MACF1: variants seen among roughly 807,000 people sequenced by gnomAD.
MACF1 encodes the protein microtubule-actin cross-linking factor 1.
MACF1 carries 193 observed loss-of-function variants against 854.8 expected under a neutral mutation model. The ratio of observed to expected loss-of-function variants is 0.23; its 90% CI spans 0.20 to 0.25. The LOEUF is 0.25. MACF1 is among the 10% of genes least tolerant of loss of function. The pLI is 1.00. For synonymous variants in MACF1, 3,185 were observed against 3,226.7 expected (o/e 0.99, Z 0.44); for missense variants, 7,722 against 8,929.1 (o/e 0.86, Z 5.45).
chr1:39,283,232 C>A lies in MACF1; in HGVS notation c.739C>A (p.Arg247=). 1 of 1,613,904 alleles carries A rather than the reference C, an allele frequency of 6.2e-7. No individual in the cohort carries two copies. Among genetic ancestry groups the A allele is most frequent in the Non-Finnish European group, 8.5e-7 (1 of 1,179,926 alleles). Residue 247 remains arginine, a synonymous_variant, in exon 8 of 101, where the codon CGA becomes AGA. Coordinates refer to ENST00000564288, the MANE Select transcript of MACF1 (RefSeq NM_001394062.1). This position sits in a 1 kb window ranked among gnomAD's most constrained non-coding sequence, Gnocchi z 4.5. ...DMERVQIQSN[R]ENLEQAFEVA... ...GGAGAGGGTGCAAATCCAAAGTAAC[C>A]GAGAGAATCTGGAACAGGCTTTTGA...
At chr1:39,484,555 A>G (rs760535286) in intron 99 of MACF1, 46 bp from the exon 100 acceptor site, 2 of 1,565,574 alleles carry the variant, frequency 1.3e-6, no homozygotes, top group Admixed American at 3.8e-5. Context: ...ATTTCTGGCA[A>G]AGATTTTACC....
intron 58 of MACF1, among the ~76,000 whole-genome samples, chr1:39,421,702 G>A (rs1643543154): frequency 6.6e-6 from 1 of 152,128 alleles, no homozygotes; most frequent in Non-Finnish European, 1.5e-5. Flanking sequence ...TTCTCTTTTA[G>A]GATTCATATA....
At chr1:39,168,660 T>C (rs1367424603) in intron 2 of MACF1, among the ~76,000 whole-genome samples, 1 of 152,152 alleles carries the variant, frequency 6.6e-6, no homozygotes, top group Non-Finnish European at 1.5e-5. Flanking sequence ...ATTTATCAGC[T>C]GAGTGACCTG....
chr1:39,394,831 C>G (rs879880533), intron 58 of MACF1, among the ~76,000 whole-genome samples: 5 of 152,244 alleles, frequency 3.3e-5, no homozygotes, highest in Admixed American at 3.3e-4. Flanking sequence ...GACAGGAAAT[C>G]ACACTTGGTA....
At chr1:39,386,000 A>C (rs1289898424) in intron 57 of MACF1, 71 bp downstream of exon 57, 3 of 1,480,750 alleles carry the variant, frequency 2.0e-6, no homozygotes, top group East Asian at 4.6e-5. Context: ...GGTTAGGAGT[A>C]GTCCCAAGAT....
At chr1:39,394,492 C>A (rs1642196052) in intron 58 of MACF1, among the ~76,000 whole-genome samples, 4 of 152,102 alleles carry the variant, frequency 2.6e-5, no homozygotes, top group Admixed American at 2.6e-4. Flanking sequence ...CATGGTGGCA[C>A]ATGCCTGTAG....
At chr1:39,386,665 C>T (rs1419030877) in intron 57 of MACF1, among the ~76,000 whole-genome samples, 2 of 152,200 alleles carry the variant, frequency 1.3e-5, no homozygotes, top group East Asian at 1.9e-4. Flanking sequence ...CTCTTGACCT[C>T]GTGATCTGCC....
In MACF1 at chr1:39,435,721, G is replaced by C. The variant is rs372488737; in HGVS notation, c.17948G>C (p.Arg5983Pro). Reference protein sequence around the residue: ...YAQIKEEVRQRALALDEAVSQ... With the variant: ...YAQIKEEVRQPALALDEAVSQ... ...CAAATAAAGGAGGAGGTGCGCCAGC[G>C]AGCCCTGGCTCTGGATGAAGCCGTG... Residue 5983 changes from arginine (R) to proline (P), a missense_variant, in exon 70 of 101, where the codon CGA becomes CCA. Coordinates refer to ENST00000564288, the MANE Select transcript of MACF1 (RefSeq NM_001394062.1). The C allele has an allele frequency of 6.2e-7, 1 of 1,613,982 alleles. No homozygotes were observed. The highest frequency in any genetic ancestry group is 8.5e-7 in the Non-Finnish European group (1 of 1,180,004).
chr1:39,463,762 C>A, intron 94 of MACF1, 76 bp downstream of exon 94: 2 of 1,291,178 alleles, frequency 1.5e-6, no homozygotes, highest in East Asian at 2.4e-5. Context: ...CCTCCTGATG[C>A]TTAGAGGCCC....
chr1:39,165,567 C>T lies in MACF1; in HGVS notation c.221-65615C>T, dbSNP rs1452204999. Among the ~76,000 whole-genome samples the T allele has an allele frequency of 5.3e-5, 8 of 152,256 alleles. No individual in the cohort carries two copies. In the East Asian group the frequency reaches 9.6e-4, roughly 18 times the overall value. ...GATCCCTATTTCTCAAAGAGTGAGC[C>T]TGTATAGCTAACAAGCATACAATAC... is the stretch of plus-strand genomic sequence containing the variant. On this transcript the variant is annotated intron_variant, in intron 2 of 93. Coordinates refer to the MACF1 transcript ENST00000361689.
At chr1:39,441,428 T>G (rs903189752) in intron 74 of MACF1, 103 bp downstream of exon 74, 2 of 877,240 alleles carry the variant, frequency 2.3e-6, no homozygotes, top group African/African-American at 3.4e-5. Context: ...TTCACAGGAC[T>G]GCAGACCTAA....
chr1:39,470,287 C>T (rs1185159721), intron 97 of MACF1, among the ~76,000 whole-genome samples: 2 of 152,138 alleles, frequency 1.3e-5, no homozygotes, highest in Non-Finnish European at 2.9e-5. Flanking sequence ...TATTTTAACT[C>T]ATTCTGTGTT....
chr1:39,408,845 C>A (rs981619539), intron 58 of MACF1, among the ~76,000 whole-genome samples: 1 of 151,980 alleles, frequency 6.6e-6, no homozygotes, highest in Non-Finnish European at 1.5e-5. Context: ...GCTCCGAATC[C>A]CGCAGAAGCC....
At chr1:39,383,582 A>G (rs935697249) in intron 56 of MACF1, among the ~76,000 whole-genome samples, 9 of 152,226 alleles carry the variant, frequency 5.9e-5, no homozygotes, top group Admixed American at 6.5e-5. Context: ...AAGTTTGATA[A>G]TAAGAGTGGC....
At position 39,331,942 on chromosome 1, in the gene MACF1, C is replaced by A; in HGVS notation, c.5354C>A (p.Thr1785Lys). Reference protein sequence around the residue: ...IVDPRTGHRLTVEEAVRHNLI... With the variant: ...IVDPRTGHRLKVEEAVRHNLI... Reference sequence around the variant, plus strand: ...GATCCAAGAACAGGACACAGACTTACAGTGGAAGAGGCTGTAAGACATAAT... The same window carrying A: ...GATCCAAGAACAGGACACAGACTTAAAGTGGAAGAGGCTGTAAGACATAAT... Residue 1785 changes from threonine to lysine, a missense_variant, in exon 37 of 101, where the codon ACA becomes AAA. Coordinates refer to ENST00000564288, the MANE Select transcript of MACF1 (RefSeq NM_001394062.1). 2 of 1,614,088 alleles carry A rather than the reference C, an allele frequency of 1.2e-6. No homozygotes were observed. Among genetic ancestry groups the A allele is most frequent in the South Asian group, 1.1e-5 (1 of 91,072 alleles).
At chr1:39,312,868 A>G (rs1410451057) in intron 26 of MACF1, among the ~76,000 whole-genome samples, 7 of 152,112 alleles carry the variant, frequency 4.6e-5, no homozygotes, top group Admixed American at 2.6e-4. Context: ...TAATACTGCT[A>G]TCCAAGCTCA....
chr1:39,442,535 A>G lies in MACF1; in HGVS notation c.19072A>G (p.Lys6358Glu). The G allele has an allele frequency of 1.2e-6, 2 of 1,614,152 alleles. No individual in the cohort carries two copies. The highest frequency in any genetic ancestry group is 1.1e-5 in the South Asian group (1 of 91,078). ...DAQRPISGDP[K>E]VIEVELAKHH... ...TCAGAGACCAATAAGTGGAGACCCAAAAGTCATTGAAGTTGAGCTCGCAAA... is the reference window on the plus strand; with the variant it reads ...TCAGAGACCAATAAGTGGAGACCCAGAAGTCATTGAAGTTGAGCTCGCAAA... Residue 6358 changes from lysine to glutamate, a missense_variant, in exon 77 of 101, where the codon AAA becomes GAA. Around this residue, in one of 15 missense-constraint regions of MACF1, gnomAD observed 2,807 missense variants for 3,235.8 expected, o/e 0.87. Coordinates refer to ENST00000564288, the MANE Select transcript of MACF1 (RefSeq NM_001394062.1).
intron 2 of MACF1, among the ~76,000 whole-genome samples, chr1:39,232,161 T>C (rs942596601): frequency 2.0e-5 from 3 of 149,546 alleles, no homozygotes; most frequent in Non-Finnish European, 4.4e-5. Flanking sequence ...TATTATTATT[T>C]TAAATAAAAG....
intron 60 of MACF1, 68 bp downstream of exon 60, chr1:39,422,968 T>C (rs535729638): frequency 2.8e-6 from 4 of 1,442,374 alleles, no homozygotes; most frequent in African/African-American, 2.8e-5. Flanking sequence ...CATTTGCTTA[T>C]AGTTTAAGAA....
Sources: gnomAD v4.1 joint callset for allele counts (sites outside exome capture counted in the v4.1 genomes callset) on GRCh38, gnomAD v4.1.1 for gene constraint, gnomAD v4.1.1 regional missense constraint, Gnocchi (gnomAD v3.1) non-coding constraint, MANE v1.5 for transcripts, NCBI Gene and HGNC (gene_info 2026-07-23, HGNC 2026-07-21) for gene names.